Variants in ENTREP2 observed in about 807,000 individuals in gnomAD.
The protein encoded by ENTREP2 is protein ENTREP2.
chr15:29,550,061 C>G, the ENTREP2 span, among the ~76,000 whole-genome samples: 2 of 152,190 alleles, frequency 1.3e-5, no homozygotes, highest in African/African-American at 4.8e-5. Flanking sequence ...GACACTGTCC[C>G]TCTGCTGAGC....
the ENTREP2 span, chr15:29,613,891 C>A: frequency 6.0e-6 from 1 of 167,452 alleles, no homozygotes; most frequent in South Asian, 1.5e-4. Flanking sequence ...CAAACTCACC[C>A]AGCAGGTCTT....
chr15:29,483,416 G>T, the ENTREP2 span, among the ~76,000 whole-genome samples: 1 of 152,106 alleles, frequency 6.6e-6, no homozygotes, highest in African/African-American at 2.4e-5. Context: ...CAAACCTAGG[G>T]TCATTAAGAT....
the ENTREP2 span, chr15:29,613,343 A>C: frequency 6.8e-6 from 2 of 292,816 alleles, no homozygotes; most frequent in Non-Finnish European, 1.4e-5. Flanking sequence ...GCAGCAGTAC[A>C]CAGTGGAGCT....
chr15:29,470,185 C>G, the ENTREP2 span, among the ~76,000 whole-genome samples: 1 of 152,180 alleles, frequency 6.6e-6, no homozygotes, highest in African/African-American at 2.4e-5. Flanking sequence ...TGAACACGGG[C>G]AGGATCCAGC....
At chr15:29,132,089 A>G in the ENTREP2 span, among the ~76,000 whole-genome samples, 2 of 152,058 alleles carry the variant, frequency 1.3e-5, no homozygotes, top group Admixed American at 1.3e-4. Context: ...TCCCCGACAG[A>G]GCCCGCCTTC....
At chr15:29,141,868 C>A in the ENTREP2 span, among the ~76,000 whole-genome samples, 1 of 152,224 alleles carries the variant, frequency 6.6e-6, no homozygotes, top group Non-Finnish European at 1.5e-5. Flanking sequence ...GCCCCCTGGT[C>A]CTGCCGCCAC....
chr15:29,644,828 G>GAA, the ENTREP2 span, among the ~76,000 whole-genome samples: 1 of 133,636 alleles, frequency 7.5e-6, no homozygotes, highest in African/African-American at 2.8e-5. Context: ...AAAAAAAAAA[G>GAA]AAAAAAAAAG....
the ENTREP2 span, among the ~76,000 whole-genome samples, chr15:29,445,034 T>C: frequency 2.0e-5 from 3 of 152,130 alleles, no homozygotes; most frequent in South Asian, 2.1e-4. Flanking sequence ...AGCAGATGTG[T>C]TGGGGTGGCA....
chr15:29,432,710 A>C, the ENTREP2 span, among the ~76,000 whole-genome samples: 1 of 152,112 alleles, frequency 6.6e-6, no homozygotes, highest in South Asian at 2.1e-4. Context: ...CCACACCTAC[A>C]GGGCCTGGCA....
chr15:29,133,692 G>T, the ENTREP2 span, among the ~76,000 whole-genome samples: 24 of 152,296 alleles, frequency 1.6e-4, no homozygotes, highest in Middle Eastern at 3.4e-3. Flanking sequence ...GTCGTGTGTG[G>T]GGGTGCCTTT....
the ENTREP2 span, among the ~76,000 whole-genome samples, chr15:29,208,942 G>T: frequency 6.6e-6 from 1 of 152,162 alleles, no homozygotes; most frequent in African/African-American, 2.4e-5. Flanking sequence ...AATTACATAT[G>T]ATTCTATTTA....
the ENTREP2 span, among the ~76,000 whole-genome samples, chr15:29,331,041 A>G: frequency 3.9e-5 from 6 of 152,140 alleles, no homozygotes; most frequent in Non-Finnish European, 5.9e-5. Context: ...CACTATACCC[A>G]GGGCAAGCCC....
chr15:29,262,407 C>G, the ENTREP2 span, among the ~76,000 whole-genome samples: 1 of 152,218 alleles, frequency 6.6e-6, no homozygotes, highest in African/African-American at 2.4e-5. Flanking sequence ...CAAGAAAACT[C>G]TGAGCAGACA....
the ENTREP2 span, among the ~76,000 whole-genome samples, chr15:29,414,391 G>T: frequency 6.6e-6 from 1 of 152,130 alleles, no homozygotes; most frequent in Non-Finnish European, 1.5e-5. Flanking sequence ...ACCTGCTCCT[G>T]AATGACTACT....
the ENTREP2 span, among the ~76,000 whole-genome samples, chr15:29,582,852 A>T: frequency 6.6e-6 from 1 of 152,046 alleles, no homozygotes; most frequent in Non-Finnish European, 1.5e-5. Context: ...GGGTTTCTCC[A>T]TGTTGGTCAG....
At chr15:29,254,406 G>A in the ENTREP2 span, among the ~76,000 whole-genome samples, 1 of 152,018 alleles carries the variant, frequency 6.6e-6, no homozygotes, top group East Asian at 1.9e-4. Flanking sequence ...ACTGATATTG[G>A]CCACTTTTAC....
At chr15:29,350,230 C>T in the ENTREP2 span, among the ~76,000 whole-genome samples, 769 of 152,162 alleles carry the variant, frequency 5.1e-3, 7 homozygotes, top group African/African-American at 0.018. Context: ...TCTATTTCTT[C>T]TTAAGTTTGG....
At chr15:29,377,823 A>AAAT in the ENTREP2 span, among the ~76,000 whole-genome samples, 5,751 of 112,916 alleles carry the variant, frequency 0.051, 181 homozygotes, top group South Asian at 0.12. Context: ...TCTGTCTCAA[A>AAAT]AATAATAATA....
At chr15:29,166,703 C>T in the ENTREP2 span, among the ~76,000 whole-genome samples, 618 of 152,234 alleles carry the variant, frequency 4.1e-3, 4 homozygotes, top group African/African-American at 0.014. Context: ...ATCCCAGGCT[C>T]GTGAATGGGT....
Sources: gnomAD v4.1 joint callset for allele counts (sites outside exome capture counted in the v4.1 genomes callset) on GRCh38, gnomAD v4.1.1 for gene constraint, MANE v1.5 for transcripts, NCBI Gene and HGNC (gene_info 2026-07-23, HGNC 2026-07-21) for gene names.